The following DCDC2C variants were observed in gnomAD, a reference collection of about 807,000 sequenced individuals.
DCDC2C encodes doublecortin domain containing 2C, also known as doublecortin domain-containing protein 2C.
In DCDC2C, 44 loss-of-function variants were observed where a neutral mutation model predicts 45.0. The observed-to-expected ratio is 0.98, with a 90% confidence interval of 0.77 to 1.26. The LOEUF (loss-of-function observed/expected upper bound fraction) is 1.26, where lower values mean the gene tolerates loss of function less well. Ranked by LOEUF, DCDC2C falls within the 50% of genes most tolerant of loss-of-function variation. The pLI is 0.00. For missense variants in DCDC2C, 447 were observed against 468.9 expected (o/e 0.95, Z 0.43); for synonymous variants, 187 against 178.8 (o/e 1.05, Z -0.37).
At chr2:3,826,710 C>T (rs533230625) in intron 10 of DCDC2C, among the ~76,000 whole-genome samples, 12 of 152,194 alleles carry the variant, frequency 7.9e-5, no homozygotes, top group Admixed American at 2.0e-4. Context: ...CACAGCTTTG[C>T]GTGGTGTCTA....
Position 3,770,835 on chromosome 2 carries a change from C to G in DCDC2C, c.954+1424C>G, listed in dbSNP as rs115119990. 8.8e-3 allele frequency among the ~76,000 whole-genome samples: 1,343 copies of G among 152,262 alleles called. 20 individuals are homozygous for G. Among genetic ancestry groups the G allele is most frequent in the African/African-American group, 0.03 (1,237 of 41,546 alleles). On this transcript the variant is annotated intron_variant, in intron 8 of 10. Transcript: ENST00000399143. ...TGCCGGTGATTCTGATTTCCATCGACTTTGAGGCAGTGGAGTGAATTCGGT... is the reference window on the plus strand; with the variant it reads ...TGCCGGTGATTCTGATTTCCATCGAGTTTGAGGCAGTGGAGTGAATTCGGT...
chr2:3,829,868 G>A (rs1395232326), intron 10 of DCDC2C, among the ~76,000 whole-genome samples: 2 of 152,174 alleles, frequency 1.3e-5, no homozygotes, highest in Non-Finnish European at 2.9e-5. Flanking sequence ...TAAAACCTCT[G>A]CTTTTGATGG....
chr2:3,839,765 C>T (rs905613011), intron 10 of DCDC2C, among the ~76,000 whole-genome samples: 2 of 152,224 alleles, frequency 1.3e-5, no homozygotes, highest in African/African-American at 4.8e-5. Flanking sequence ...TGCTCCCACA[C>T]GTCTTTTTCA....
chr2:3,802,639 G>A (rs1359981467), intron 10 of DCDC2C, among the ~76,000 whole-genome samples: 1 of 152,304 alleles, frequency 6.6e-6, no homozygotes, highest in South Asian at 2.1e-4. Context: ...TCCTCATGTG[G>A]TGGAAGGGGC....
intron 8 of DCDC2C, among the ~76,000 whole-genome samples, chr2:3,775,068 TG>T (rs976666151): frequency 4.8e-5 from 7 of 146,892 alleles, no homozygotes; most frequent in African/African-American, 1.5e-4. Flanking sequence ...CCTGGCTGGA[TG>T]TTTTTTTTTT....
chr2:3,722,776 G>C (rs761957990), intron 2 of DCDC2C, among the ~76,000 whole-genome samples: 19 of 152,084 alleles, frequency 1.2e-4, no homozygotes, highest in Non-Finnish European at 1.9e-4. Context: ...GTGATAGCAG[G>C]GTTAATGAAT....
At chr2:3,740,950 A>G (rs1669187467) in intron 3 of DCDC2C, among the ~76,000 whole-genome samples, 1 of 152,240 alleles carries the variant, frequency 6.6e-6, no homozygotes, top group African/African-American at 2.4e-5. Context: ...TTGAGCTTAT[A>G]TATTGTTAAA....
At chr2:3,781,793 C>T (rs1393800737) in intron 9 of DCDC2C, among the ~76,000 whole-genome samples, 2 of 152,030 alleles carry the variant, frequency 1.3e-5, no homozygotes, top group African/African-American at 4.8e-5. Context: ...TTGCTTGGGC[C>T]CAGGAGGTTG....
At chr2:3,723,177 A>AG (rs1668543237) in intron 2 of DCDC2C, among the ~76,000 whole-genome samples, 1 of 152,158 alleles carries the variant, frequency 6.6e-6, no homozygotes, top group African/African-American at 2.4e-5. Flanking sequence ...AATTCCTGTT[A>AG]GGGGTCACTC....
At chr2:3,779,679 A>G (rs1043594424) in intron 9 of DCDC2C, among the ~76,000 whole-genome samples, 1 of 152,130 alleles carries the variant, frequency 6.6e-6, no homozygotes, top group Non-Finnish European at 1.5e-5. Flanking sequence ...AGGCTGTGTA[A>G]TGAGCTCCCG....
In DCDC2C at chr2:3,703,654, C is replaced by T. The variant is rs1431330569; in HGVS notation, c.-98C>T. 2.6e-6 allele frequency: 3 copies of T among 1,145,278 alleles called. No individual in the cohort carries two copies. The highest frequency in any genetic ancestry group is 3.3e-6 in the Non-Finnish European group (3 of 915,684). 70.9% of individuals were successfully genotyped at this position (1,145,278 alleles called of 1,614,324 possible). Reference sequence around the variant, plus strand: ...TGCGCCAGCGGCTGGAGCGGACCTCCCGTCGGCGGTGCCCGGGCCTGGGCG... The same window carrying T: ...TGCGCCAGCGGCTGGAGCGGACCTCTCGTCGGCGGTGCCCGGGCCTGGGCG... On this transcript the variant is annotated 5_prime_UTR_variant, in exon 1 of 11. Transcript: ENST00000399143. This position sits in a 1 kb window ranked among gnomAD's most constrained non-coding sequence, Gnocchi z 4.4.
chr2:3,773,690 T>G (rs13030772), intron 8 of DCDC2C, among the ~76,000 whole-genome samples: 1 of 152,070 alleles, frequency 6.6e-6, no homozygotes, highest in Non-Finnish European at 1.5e-5. Flanking sequence ...ATGTGTACAA[T>G]TGGAAACCCT....
At chr2:3,722,147 G>T (rs1286863069) in intron 2 of DCDC2C, among the ~76,000 whole-genome samples, 1 of 152,198 alleles carries the variant, frequency 6.6e-6, no homozygotes, top group African/African-American at 2.4e-5. Context: ...GGCAGCTGAG[G>T]CTCAGGGAGG....
chr2:3,773,245 CCT>C (rs10612578), intron 8 of DCDC2C, among the ~76,000 whole-genome samples: 72,515 of 151,630 alleles, frequency 0.48, 17,587 homozygotes, highest in East Asian at 0.67. Context: ...TTAACGACCC[CCT>C]GTTTTTTTTC....
At chr2:3,828,716 A>G (rs1300685016) in intron 10 of DCDC2C, among the ~76,000 whole-genome samples, 1 of 152,162 alleles carries the variant, frequency 6.6e-6, no homozygotes, top group Non-Finnish European at 1.5e-5. Context: ...GTGGCCATCA[A>G]TCCTACCAAA....
chr2:3,831,751 A>C (rs1671956996), intron 10 of DCDC2C, among the ~76,000 whole-genome samples: 1 of 152,194 alleles, frequency 6.6e-6, no homozygotes, highest in Admixed American at 6.5e-5. Context: ...CGGATCAAAC[A>C]CCAGCCCTTC....
At chr2:3,813,919 G>A (rs1412036355) in intron 10 of DCDC2C, among the ~76,000 whole-genome samples, 1 of 152,018 alleles carries the variant, frequency 6.6e-6, no homozygotes, top group Non-Finnish European at 1.5e-5. Context: ...TATATTTAAG[G>A]TTATTATTGT....
Position 3,726,856 on chromosome 2 carries a change from C to G in DCDC2C, c.340-147C>G, listed in dbSNP as rs944869199. ...GCACCTGGTCTGCCTCTCTCTGCAT[C>G]CTTCCTGGACCCGCCCCTGGGTGTT... is the stretch of plus-strand genomic sequence containing the variant. On this transcript the variant is annotated intron_variant, in intron 2 of 10. Transcript: ENST00000399143. 7.1e-5 allele frequency: 46 copies of G among 647,436 alleles called. 1 individual carries two copies. The Middle Eastern group carries it at 1.6e-3, about 22-fold the overall frequency. 40.1% of individuals were successfully genotyped at this position (647,436 alleles called of 1,614,324 possible).
chr2:3,830,102 A>G (rs1671915736), intron 10 of DCDC2C, among the ~76,000 whole-genome samples: 1 of 152,142 alleles, frequency 6.6e-6, no homozygotes, highest in South Asian at 2.1e-4. Context: ...TATGCATCTT[A>G]TTTTACCCAA....
Sources: gnomAD v4.1 joint callset for allele counts (sites outside exome capture counted in the v4.1 genomes callset) on GRCh38, gnomAD v4.1.1 for gene constraint, Gnocchi (gnomAD v3.1) non-coding constraint, MANE v1.5 for transcripts, NCBI Gene and HGNC (gene_info 2026-07-23, HGNC 2026-07-21) for gene names.